POLR1B: variants seen among roughly 807,000 people sequenced by gnomAD.
POLR1B encodes DNA-directed RNA polymerase I subunit RPA2.
In POLR1B, 30 loss-of-function variants were observed where a neutral mutation model predicts 105.8. That is an observed-to-expected ratio of 0.28 (90% confidence interval 0.21 to 0.38). The LOEUF is 0.38. Ranked by LOEUF, POLR1B falls within the 10% of genes least tolerant of loss-of-function variation. The pLI, the probability that POLR1B is intolerant of heterozygous loss-of-function variation, is 1.00. For synonymous variants in POLR1B, 485 were observed against 505.1 expected (o/e 0.96, Z 0.53); for missense variants, 976 against 1,435.8 (o/e 0.68, Z 5.17).
intron 7 of POLR1B, among the ~76,000 whole-genome samples, chr2:112,555,351 GAAA>G (rs1186821622): frequency 6.6e-6 from 1 of 151,312 alleles, no homozygotes; most frequent in Non-Finnish European, 1.5e-5. Flanking sequence ...AAAGAAAAAA[GAAA>G]AAAACACCTG....
intron 7 of POLR1B, among the ~76,000 whole-genome samples, chr2:112,554,145 T>C (rs1683523386): frequency 6.6e-6 from 1 of 151,224 alleles, no homozygotes; most frequent in Non-Finnish European, 1.5e-5. Flanking sequence ...TATTTTATTT[T>C]ATTTTGAGAC....
chr2:112,558,614 A>G (rs1447540663), intron 8 of POLR1B, among the ~76,000 whole-genome samples: 1 of 151,930 alleles, frequency 6.6e-6, no homozygotes, highest in Admixed American at 6.6e-5. Context: ...TTGGGAATTC[A>G]GAATTTTTTT....
intron 1 of POLR1B, 153 bp downstream of exon 1, chr2:112,542,824 G>A (rs747760500): frequency 2.0e-5 from 18 of 895,898 alleles, no homozygotes; most frequent in Middle Eastern, 3.5e-4. Flanking sequence ...AACAGGACGC[G>A]GTACTGGCCT....
At chr2:112,553,203 A>G (rs917262945) in intron 7 of POLR1B, among the ~76,000 whole-genome samples, 1 of 152,222 alleles carries the variant, frequency 6.6e-6, no homozygotes, top group African/African-American at 2.4e-5. Context: ...ATACATGAGC[A>G]GAGCAGTGAA....
upstream of POLR1B, chr2:112,542,041 T>C: frequency 2.0e-6 from 3 of 1,463,760 alleles, no homozygotes; most frequent in Non-Finnish European, 2.8e-6. Flanking sequence ...GCAACGACTT[T>C]GGCCGGATGA....
At chr2:112,542,254 A>G (rs1380140416), upstream of POLR1B, 1 of 1,534,536 alleles carries the variant, frequency 6.5e-7, no homozygotes, top group Non-Finnish European at 8.7e-7. Context: ...TATGGGAGAA[A>G]GGGAGGGCCC....
rs56190123 is a variant in POLR1B, at chr2:112,579,208, CAAAAAAAAAAAAAAAA to C, written c.*3496_*3511del. 2.4e-4 allele frequency among the ~76,000 whole-genome samples: 14 copies of C among 58,664 alleles called. No individual in the cohort carries two copies. The highest frequency in any genetic ancestry group is 1.0e-3 in the South Asian group (1 of 988). The allele number at this position is 58,664 out of a possible 152,430, so 38.5% of individuals were successfully genotyped here. Reference sequence around the variant, plus strand: ...GGGCAACAGAGCAAGACTAGAGTCTCAAAAAAAAAAAAAAAAAAAAAAAAAAAAAAAAGGAAAGCAA... The same window carrying C: ...GGGCAACAGAGCAAGACTAGAGTCTCAAAAAAAAAAAAAAAAGGAAAGCAA... On this transcript the variant is annotated 3_prime_UTR_variant, in exon 15 of 15. Coordinates refer to ENST00000263331, the MANE Select transcript of POLR1B (RefSeq NM_019014.6).
Position 112,564,513 on chromosome 2 carries a change from T to C in POLR1B, c.1746+14T>C. The C allele has an allele frequency of 6.2e-7, 1 of 1,614,202 alleles. No homozygotes were observed. Among genetic ancestry groups the C allele is most frequent in the South Asian group, 1.1e-5 (1 of 91,090 alleles). ...CGTCATTTTAAGGTGGGCTTGAGGC[T>C]TTGTGAATTGTCCTATCCCTTGACC... is the stretch of plus-strand genomic sequence containing the variant. On this transcript the variant is annotated intron_variant, in intron 10 of 14. Coordinates refer to ENST00000263331, the MANE Select transcript of POLR1B (RefSeq NM_019014.6).
At chr2:112,571,554 A>T (rs556628793) in intron 12 of POLR1B, among the ~76,000 whole-genome samples, 1 of 152,320 alleles carries the variant, frequency 6.6e-6, no homozygotes, top group South Asian at 2.1e-4. Flanking sequence ...GTTGAAGTAC[A>T]TTCTTCAGCC....
intron 4 of POLR1B, chr2:112,550,641 T>G (rs1364093311): frequency 1.4e-5 from 8 of 553,812 alleles, no homozygotes; most frequent in Non-Finnish European, 2.6e-5. Context: ...TTTGCTTAAA[T>G]TCATAGTTTC....
chr2:112,542,412 T>C, upstream of POLR1B: 1 of 1,612,422 alleles, frequency 6.2e-7, no homozygotes, highest in Non-Finnish European at 8.5e-7. Flanking sequence ...GAAACGGGAC[T>C]GCGGCCACTA....
At position 112,573,561 on chromosome 2, in the gene POLR1B, G is replaced by A. The variant is rs1684699381; in HGVS notation, c.2272-1G>A. ...CTTTTAACGATTCTTTTACTTCACAGATTGTGAATAAGGCCTCTTGGGAAC... is the reference window on the plus strand; with the variant it reads ...CTTTTAACGATTCTTTTACTTCACAAATTGTGAATAAGGCCTCTTGGGAAC... On this transcript the variant is annotated splice_acceptor_variant, in intron 13 of 14. Transcript: ENST00000263331. LOFTEE classifies it high-confidence loss of function. 6.2e-7 allele frequency: 1 copy of A among 1,609,226 alleles called. No individual in the cohort carries two copies. Among genetic ancestry groups the A allele is most frequent in the Non-Finnish European group, 8.5e-7 (1 of 1,177,790 alleles).
intron 4 of POLR1B, among the ~76,000 whole-genome samples, chr2:112,550,529 G>A (rs1683316403): frequency 1.3e-5 from 2 of 152,024 alleles, no homozygotes; most frequent in South Asian, 4.2e-4. Flanking sequence ...TTCTCCATTG[G>A]AACTATTAGA....
rs896723568 is a variant in POLR1B, at chr2:112,548,839, C to G, written c.493-428C>G. 5.9e-5 allele frequency among the ~76,000 whole-genome samples: 9 copies of G among 152,296 alleles called. 1 individual carries two copies. Among genetic ancestry groups the G allele is most frequent in the African/African-American group, 1.4e-4 (6 of 41,566 alleles). On this transcript the variant is annotated intron_variant, in intron 3 of 14. Coordinates refer to ENST00000263331, the MANE Select transcript of POLR1B (RefSeq NM_019014.6). ...GTGTTAGCCAGGATGGTCTTGATCTCCTGACCTTGTGATGCTCCTGTCTCG... is the reference window on the plus strand; with the variant it reads ...GTGTTAGCCAGGATGGTCTTGATCTGCTGACCTTGTGATGCTCCTGTCTCG...
chr2:112,563,775 A>G (rs1260571180), intron 9 of POLR1B, among the ~76,000 whole-genome samples: 4 of 151,984 alleles, frequency 2.6e-5, no homozygotes, highest in Non-Finnish European at 5.9e-5. Context: ...GATGGCACGC[A>G]CCTGTCAGCT....
intron 12 of POLR1B, among the ~76,000 whole-genome samples, chr2:112,572,297 C>CA (rs2104576017): frequency 6.6e-6 from 1 of 152,276 alleles, no homozygotes; most frequent in East Asian, 1.9e-4. Context: ...GGGTGTGTTG[C>CA]AAATACACAT....
chr2:112,542,296 G>A, upstream of POLR1B: 2 of 1,528,958 alleles, frequency 1.3e-6, no homozygotes, highest in South Asian at 1.2e-5. Flanking sequence ...GCCTTAATCG[G>A]CCCGTTCACT....
chr2:112,562,858 C>T (rs1454264430), intron 9 of POLR1B, among the ~76,000 whole-genome samples: 1 of 149,078 alleles, frequency 6.7e-6, no homozygotes, highest in South Asian at 2.1e-4. Context: ...TGCGAGTAGC[C>T]GGGACCACAG....
At position 112,542,657 on chromosome 2, in the gene POLR1B, G is replaced by C. The variant is rs1682818265; in HGVS notation, c.163G>C (p.Gly55Arg). Residue 55 changes from glycine to arginine, a missense_variant, in exon 1 of 15, where the codon GGC becomes CGC. By Grantham distance (125) the Gly-to-Arg change is moderately radical. Coordinates refer to ENST00000263331, the MANE Select transcript of POLR1B (RefSeq NM_019014.6). Reference protein sequence around the residue: ...SFNYAVHEGLGLAVQAIPPFE... With the variant: ...SFNYAVHEGLRLAVQAIPPFE... ...CAACTACGCTGTGCACGAGGGTCTC[G>C]GCCTCGCGGTGCAGGTGAGCGCGGC... The C allele has an allele frequency of 1.9e-6, 3 of 1,613,470 alleles. No homozygotes were observed. The highest frequency in any genetic ancestry group is 3.3e-5 in the Admixed American group (2 of 60,024).
Sources: allele counts gnomAD v4.1 joint callset (sites outside exome capture counted in the v4.1 genomes callset), GRCh38; gene constraint gnomAD v4.1.1; transcripts MANE v1.5; gene names NCBI Gene and HGNC (gene_info 2026-07-23, HGNC 2026-07-21).